The following PALM2AKAP2 variants were observed in gnomAD, a reference collection of about 807,000 sequenced individuals.
The protein encoded by PALM2AKAP2 is PALM2 and AKAP2 fusion, also known as PALM2-AKAP2 fusion protein.
PALM2AKAP2 carries 37 observed loss-of-function variants against 71.5 expected under a neutral mutation model. That is an observed-to-expected ratio of 0.52 (90% CI 0.40 to 0.68). PALM2AKAP2 has a LOEUF of 0.68. Among genes scored for constraint, PALM2AKAP2 ranks in the 30% least tolerant of loss-of-function variants. The pLI, the probability that PALM2AKAP2 is intolerant of heterozygous loss-of-function variation, is 0.00. For missense variants in PALM2AKAP2, 1,224 were observed against 1,191.8 expected (o/e 1.03, Z -0.40); for synonymous variants, 468 against 478.8 (o/e 0.98, Z 0.29).
chr9:109,767,339 A>ACTTC (rs1829170122), intron 1 of PALM2AKAP2, among the ~76,000 whole-genome samples: 2 of 151,780 alleles, frequency 1.3e-5, no homozygotes, highest in South Asian at 2.1e-4. Context: ...CCCTAATACC[A>ACTTC]CTTCCTTGGA....
intron 1 of PALM2AKAP2, among the ~76,000 whole-genome samples, chr9:109,783,577 A>G (rs1432832895): frequency 6.6e-6 from 1 of 152,246 alleles, no homozygotes; most frequent in Middle Eastern, 3.4e-3. Context: ...GAGTTTAGAG[A>G]CATGAGCCAC....
intron 7 of PALM2AKAP2, among the ~76,000 whole-genome samples, chr9:110,028,804 A>G (rs1174364608): frequency 1.3e-5 from 2 of 152,158 alleles, no homozygotes; most frequent in Non-Finnish European, 2.9e-5. Flanking sequence ...CCTAAAATTC[A>G]GATTTTACTG....
intron 6 of PALM2AKAP2, chr9:109,946,547 G>A (rs1281474410): frequency 6.6e-6 from 1 of 151,724 alleles, no homozygotes; most frequent in African/African-American, 2.4e-5. Context: ...TACAAAATTA[G>A]CCAGGCGTGA....
intron 1 of PALM2AKAP2, among the ~76,000 whole-genome samples, chr9:109,670,675 G>A (rs1827559325): frequency 6.6e-6 from 1 of 152,066 alleles, no homozygotes. Context: ...TCTGTCTTTA[G>A]GTCTTTGAGG....
intron 1 of PALM2AKAP2, among the ~76,000 whole-genome samples, chr9:109,744,781 T>G (rs772717390): frequency 6.6e-6 from 1 of 152,198 alleles, no homozygotes; most frequent in Non-Finnish European, 1.5e-5. Context: ...ACTACCTGTT[T>G]TTGACTTCAT....
At chr9:109,801,056 G>C (rs1827417048) in intron 1 of PALM2AKAP2, among the ~76,000 whole-genome samples, 1 of 152,204 alleles carries the variant, frequency 6.6e-6, no homozygotes, top group Non-Finnish European at 1.5e-5. Context: ...GGGGTTGGGG[G>C]ATGTGGTGGG....
At chr9:109,843,604 A>G (rs1176591152) in intron 1 of PALM2AKAP2, among the ~76,000 whole-genome samples, 1 of 152,208 alleles carries the variant, frequency 6.6e-6, no homozygotes, top group East Asian at 1.9e-4. Flanking sequence ...ACTCTGCATA[A>G]TAAATGTGCA....
chr9:109,673,464 G>A (rs1385113738), intron 1 of PALM2AKAP2, among the ~76,000 whole-genome samples: 1 of 152,056 alleles, frequency 6.6e-6, no homozygotes, highest in African/African-American at 2.4e-5. Context: ...TGTAGTCTGA[G>A]AGACTGTTAC....
intron 1 of PALM2AKAP2, among the ~76,000 whole-genome samples, chr9:109,860,753 A>G (rs1381552705): frequency 6.6e-6 from 1 of 151,882 alleles, no homozygotes; most frequent in African/African-American, 2.4e-5. Context: ...ATCCCCACCC[A>G]TTCCCTTTCC....
intron 2 of PALM2AKAP2, among the ~76,000 whole-genome samples, chr9:110,140,216 T>G (rs1485779676): frequency 6.6e-6 from 1 of 152,254 alleles, no homozygotes; most frequent in African/African-American, 2.4e-5. Flanking sequence ...ATAATCCATT[T>G]CTTTTATTAT....
chr9:109,726,420 G>A (rs1225056315), intron 1 of PALM2AKAP2, among the ~76,000 whole-genome samples: 1 of 152,236 alleles, frequency 6.6e-6, no homozygotes, highest in Non-Finnish European at 1.5e-5. Flanking sequence ...GTTCAGTGGT[G>A]GGGCTGTTGT....
chr9:109,653,841 A>T (rs1407804016), intron 1 of PALM2AKAP2, among the ~76,000 whole-genome samples: 2 of 152,192 alleles, frequency 1.3e-5, no homozygotes, highest in Non-Finnish European at 2.9e-5. Flanking sequence ...AGACAATCTC[A>T]TAGTAGGCGA....
intron 6 of PALM2AKAP2, among the ~76,000 whole-genome samples, chr9:109,999,647 C>T (rs1832643283): frequency 6.6e-6 from 1 of 152,246 alleles, no homozygotes; most frequent in South Asian, 2.1e-4. Flanking sequence ...TGTGTATAAG[C>T]CCAGTTCCTG....
intron 3 of PALM2AKAP2, among the ~76,000 whole-genome samples, chr9:110,166,055 C>T (rs1836727020): frequency 1.3e-5 from 2 of 152,162 alleles, no homozygotes; most frequent in South Asian, 4.1e-4. Context: ...TCCTTTTATA[C>T]AATGTAGAGT....
At chr9:110,136,764 A>C (rs1193248155) in exon 2 of PALM2AKAP2, 1 of 1,614,190 alleles carries the variant, frequency 6.2e-7, no homozygotes, top group East Asian at 2.2e-5. Flanking sequence ...CTGAAAAAGG[A>C]GGCCAAGTTT....
At chr9:110,115,244 C>A (rs1254138440) in intron 1 of PALM2AKAP2, among the ~76,000 whole-genome samples, 1 of 152,194 alleles carries the variant, frequency 6.6e-6, no homozygotes, top group Non-Finnish European at 1.5e-5. Context: ...AGGTGTGAAT[C>A]CATGTGGTCC....
intron 3 of PALM2AKAP2, among the ~76,000 whole-genome samples, chr9:109,904,717 C>T (rs977320516): frequency 1.3e-5 from 2 of 152,186 alleles, no homozygotes; most frequent in African/African-American, 2.4e-5. Context: ...GCTGATTTCA[C>T]ATAAGCCAAG....
chr9:109,707,584 G>A (rs1828163760), intron 1 of PALM2AKAP2, among the ~76,000 whole-genome samples: 1 of 152,060 alleles, frequency 6.6e-6, no homozygotes, highest in Admixed American at 6.6e-5. Context: ...ATTGACTTTT[G>A]GCTTGATTTT....
rs189665150 is a variant in PALM2AKAP2, at chr9:109,843,054, C to T, written c.46-24437C>T. On this transcript the variant is annotated intron_variant, in intron 1 of 9. Coordinates refer to the PALM2AKAP2 transcript ENST00000302798. ...ACTCAGGAGGCTGAGGCAGGAGACT[C>T]GCTTGAACCCGGGAGGTGGAGGTTG... Among the ~76,000 whole-genome samples, 588 of 144,806 alleles carry T rather than the reference C, an allele frequency of 4.1e-3. 3 individuals carry two copies. The highest frequency in any genetic ancestry group is 0.014 in the African/African-American group (538 of 38,704). 95.0% of individuals were successfully genotyped at this position (144,806 alleles called of 152,430 possible). A position where few individuals can be genotyped will look rare whatever the true frequency, so the allele number is the denominator to read the frequency against.
Sources: gnomAD v4.1 joint callset for allele counts (sites outside exome capture counted in the v4.1 genomes callset) on GRCh38, gnomAD v4.1.1 for gene constraint, MANE v1.5 for transcripts, NCBI Gene and HGNC (gene_info 2026-07-23, HGNC 2026-07-21) for gene names.